MCF2L: variants seen among roughly 807,000 people sequenced by gnomAD.
MCF2L encodes MCF.2 cell line derived transforming sequence like.
MCF2L carries 97 observed loss-of-function variants against 153.4 expected under a neutral mutation model. That is an observed-to-expected ratio of 0.63 (90% CI 0.54 to 0.75). The LOEUF (loss-of-function observed/expected upper bound fraction) is 0.75. Among genes scored for constraint, MCF2L ranks in the 30% least tolerant of loss-of-function variants. The probability of loss-of-function intolerance (pLI) is 0.00; values close to 1 mark genes in which losing one functional copy is unlikely to be tolerated. For synonymous variants in MCF2L, 659 were observed against 632.2 expected, an observed-to-expected ratio of 1.04 and a Z score of -0.64; for missense variants, 1,347 against 1,495.2, an observed-to-expected ratio of 0.90 and a Z score of 1.64.
At chr13:113,014,738 C>A in intron 1 of MCF2L, 25 bp from the exon 2 acceptor site, 13 of 1,605,886 alleles carry the variant, frequency 8.1e-6, no homozygotes, top group Non-Finnish European at 1.1e-5. Context: ...GGGACTGACA[C>A]GTGCCGTCTG....
At chr13:113,058,075 T>G (rs1249574334) in intron 4 of MCF2L, among the ~76,000 whole-genome samples, 1 of 136,930 alleles carries the variant, frequency 7.3e-6, no homozygotes, top group Non-Finnish European at 1.6e-5. Flanking sequence ...AGTGTTTCGG[T>G]GCTGTTTGGG....
intron 2 of MCF2L, among the ~76,000 whole-genome samples, chr13:112,955,175 C>T (rs995814107): frequency 1.4e-4 from 22 of 152,100 alleles, no homozygotes; most frequent in African/African-American, 2.9e-4. Context: ...GTGGGGACCC[C>T]GTCCCATTGC....
chr13:112,909,002 G>A (rs978454272), intron 2 of MCF2L, among the ~76,000 whole-genome samples: 13 of 152,192 alleles, frequency 8.5e-5, no homozygotes, highest in African/African-American at 3.1e-4. Context: ...GGTATTACAG[G>A]TGTTAGCCAC....
At chr13:113,023,479 T>C (rs551304245) in intron 2 of MCF2L, among the ~76,000 whole-genome samples, 98 of 152,106 alleles carry the variant, frequency 6.4e-4, no homozygotes, top group African/African-American at 2.2e-3. Context: ...CTGGAGACAG[T>C]GGCTGTGGGG....
intron 2 of MCF2L, among the ~76,000 whole-genome samples, chr13:112,908,687 C>T (rs1352149457): frequency 6.6e-6 from 1 of 151,842 alleles, no homozygotes; most frequent in Non-Finnish European, 1.5e-5. Flanking sequence ...TAGTCACCAG[C>T]GTGTCAGACA....
At chr13:113,050,730 GGGGGCGGGGGGAGCGGGGGGGT>G (rs2087223261) in intron 4 of MCF2L, among the ~76,000 whole-genome samples, 1 of 27,416 alleles carries the variant, frequency 3.6e-5, no homozygotes, top group African/African-American at 1.7e-4. Flanking sequence ...CGGGGGCGGG[GGGGGCGGGGGGAGCGGGGGGGT>G]GCGGGGGGCG....
chr13:112,986,997 G>A (rs527245284), intron 1 of MCF2L, among the ~76,000 whole-genome samples: 7 of 152,206 alleles, frequency 4.6e-5, no homozygotes, highest in Middle Eastern at 3.4e-3. Context: ...GGTGGGACTC[G>A]GAGCCAGTGT....
In MCF2L at chr13:113,075,017, G is replaced by A. The variant is rs201067980; in HGVS notation, c.1136G>A (p.Arg379Gln). Residue 379 changes from arginine to glutamine, a missense_variant, in exon 11 of 30, where the codon CGG (arginine) becomes CAG (glutamine). This residue lies in a region of MCF2L where 820 missense variants were observed against 921.2 expected (regional missense o/e 0.89). Coordinates refer to ENST00000535094, the MANE Select transcript of MCF2L (RefSeq NM_001112732.3). ...CCACAGGTGGCCGTGGAGAGGGCCCGGGCCCTGTCTCTGGACGGCGAGCAG... is the reference window on the plus strand; with the variant it reads ...CCACAGGTGGCCGTGGAGAGGGCCCAGGCCCTGTCTCTGGACGGCGAGCAG... ...EKSGVAVERA[R>Q]ALSLDGEQLI... 55 of 1,606,700 alleles carry A rather than the reference G, an allele frequency of 3.4e-5. No individual in the cohort carries two copies. The East Asian group carries it at 6.5e-4, about 19-fold the overall frequency.
intron 17 of MCF2L, among the ~76,000 whole-genome samples, chr13:113,083,229 C>T (rs1264436144): frequency 6.6e-6 from 1 of 152,180 alleles, no homozygotes; most frequent in African/African-American, 2.4e-5. Flanking sequence ...ATGTGAGTGG[C>T]TCCCATGCGG....
chr13:112,897,708 CTT>C, intron 1 of MCF2L, among the ~76,000 whole-genome samples: 1 of 152,252 alleles, frequency 6.6e-6, no homozygotes, highest in Non-Finnish European at 1.5e-5. Context: ...ACCATCTTCA[CTT>C]TTCATTCATT....
At chr13:113,089,903 C>T (rs2035032777) in intron 26 of MCF2L, 175 bp downstream of exon 26, 1 of 1,605,902 alleles carries the variant, frequency 6.2e-7, no homozygotes, top group African/African-American at 1.3e-5. Flanking sequence ...AAGAGCCCCT[C>T]CCTCTCCATT....
intron 27 of MCF2L, 159 bp downstream of exon 27, chr13:113,094,794 A>G: frequency 1.9e-6 from 2 of 1,054,684 alleles, no homozygotes; most frequent in Non-Finnish European, 2.7e-6. Context: ...GGGCAGTGCC[A>G]GCTCCTCCTA....
At chr13:112,922,580 C>T (rs186806796) in intron 2 of MCF2L, among the ~76,000 whole-genome samples, 18 of 152,052 alleles carry the variant, frequency 1.2e-4, no homozygotes, top group Non-Finnish European at 2.1e-4. Context: ...CGCCTGTAAT[C>T]CTAGCACTTT....
chr13:113,083,910 G>A (rs915889013), intron 17 of MCF2L, 88 bp from the exon 18 acceptor site: 2 of 963,090 alleles, frequency 2.1e-6, no homozygotes, highest in Non-Finnish European at 3.4e-6. Flanking sequence ...GGCGTAACAG[G>A]CTTCTGAAAA....
At chr13:112,971,335 A>G (rs1343109191) in intron 1 of MCF2L, among the ~76,000 whole-genome samples, 1 of 152,158 alleles carries the variant, frequency 6.6e-6, no homozygotes, top group Non-Finnish European at 1.5e-5. Flanking sequence ...GCGGGAGGTC[A>G]TGGAGCTGCT....
chr13:113,024,656 A>G lies in MCF2L; in HGVS notation c.176A>G (p.Gln59Arg). The G allele has an allele frequency of 6.2e-7, 1 of 1,613,678 alleles. No homozygotes were observed. The highest frequency in any genetic ancestry group is 1.1e-5 in the South Asian group (1 of 91,078). The change falls in exon 3 of 30, where the codon CAG becomes CGG. Residue 59 changes from glutamine to arginine, a missense_variant. By Grantham distance (43) the Gln-to-Arg change is conservative. This residue lies in a region of MCF2L where 820 missense variants were observed against 921.2 expected (regional missense o/e 0.89). Coordinates refer to ENST00000535094, the MANE Select transcript of MCF2L (RefSeq NM_001112732.3). ...GGTCTCTCCCCAGGTGGGCGGGGGC[A>G]GGACGGAAGCCCGGTTATCACCTTC... is the stretch of plus-strand genomic sequence containing the variant. ...RFAYLSGGRGQDGSPVITFPD... is the reference protein window; with the variant it reads ...RFAYLSGGRGRDGSPVITFPD...
chr13:113,091,178 C>G (rs1349297938), intron 26 of MCF2L: 1 of 1,301,612 alleles, frequency 7.7e-7, no homozygotes, highest in Non-Finnish European at 1.0e-6. Context: ...AGCGACCCGA[C>G]TCCCTTTGGT....
At chr13:113,051,265 C>A (rs2087298465) in intron 4 of MCF2L, among the ~76,000 whole-genome samples, 1 of 150,594 alleles carries the variant, frequency 6.6e-6, no homozygotes, top group Non-Finnish European at 1.5e-5. Context: ...AGGGAAGCTG[C>A]CGATGGGGTG....
chr13:113,044,421 GC>G, intron 3 of MCF2L: 1 of 435,942 alleles, frequency 2.3e-6, no homozygotes, highest in Admixed American at 3.5e-5. Flanking sequence ...GAGCGGCCAC[GC>G]CCATAGACTG....
Sources: gnomAD v4.1 joint callset for allele counts (sites outside exome capture counted in the v4.1 genomes callset) on GRCh38, gnomAD v4.1.1 for gene constraint, gnomAD v4.1.1 regional missense constraint, MANE v1.5 for transcripts, NCBI Gene and HGNC (gene_info 2026-07-23, HGNC 2026-07-21) for gene names.